Variants in RPL28 observed in about 807,000 individuals in gnomAD.
RPL28 encodes the protein ribosomal protein L28.
In RPL28, 4 loss-of-function variants were observed where a neutral mutation model predicts 12.5. That is an observed-to-expected ratio of 0.32 (90% CI 0.16 to 0.73). RPL28 has a LOEUF of 0.73. RPL28 is among the 30% of genes least tolerant of loss of function. The probability of loss-of-function intolerance (pLI) is 0.66; values close to 1 mark genes in which losing one functional copy is unlikely to be tolerated. For missense variants in RPL28, 214 were observed against 197.7 expected, an observed-to-expected ratio of 1.08 and a Z score of -0.49; for synonymous variants, 91 against 72.5, an observed-to-expected ratio of 1.26 and a Z score of -1.30.
chr19:55,401,814 C>T (rs768783559), intron 4 of RPL28: 5 of 1,596,948 alleles, frequency 3.1e-6, no homozygotes, highest in Admixed American at 1.7e-5. Context: ...ACAGGGACCC[C>T]CAGGCCTCCA....
chr19:55,386,710 T>G lies in RPL28; in HGVS notation c.205+17T>G, dbSNP rs780180908. ...GGAGATCCGGTGAGTTTTGTCTGGT[T>G]TGGGCCAGAGAGCGGCCCCTTTCCC... is the stretch of plus-strand genomic sequence containing the variant. On this transcript the variant is annotated intron_variant, in intron 3 of 4. Transcript: ENST00000344063. 4 of 1,614,002 alleles carry G rather than the reference T, an allele frequency of 2.5e-6. No homozygotes were observed. The highest frequency in any genetic ancestry group is 3.4e-6 in the Non-Finnish European group (4 of 1,179,908).
chr19:55,395,286 G>A (rs1250935274), downstream of RPL28, among the ~76,000 whole-genome samples: 5 of 150,998 alleles, frequency 3.3e-5, no homozygotes, highest in African/African-American at 7.3e-5. Flanking sequence ...ACAGGCATGC[G>A]CCACCATGCC....
chr19:55,391,078 A>C lies in RPL28; in HGVS notation c.*2746A>C, dbSNP rs1163804621. 13 of 534,962 alleles carry C rather than the reference A, an allele frequency of 2.4e-5. No homozygotes were observed. Among genetic ancestry groups the C allele is most frequent in the Non-Finnish European group, 3.1e-5 (13 of 417,876 alleles). The allele number at this position is 534,962 out of a possible 1,614,324, so 33.1% of individuals were successfully genotyped here. A position where few individuals can be genotyped will look rare whatever the true frequency, so the allele number is the denominator to read the frequency against. On this transcript the variant is annotated 3_prime_UTR_variant, in exon 5 of 5. Coordinates refer to ENST00000344063, the MANE Select transcript of RPL28 (RefSeq NM_000991.5). The stretch of plus-strand genomic sequence containing the variant: ...AGAAAAGCGTCTTGTCACATACAGA[A>C]GGTCCCTGATAAAGTTAGTAGCTGC...
intron 3 of RPL28, 166 bp from the exon 4 acceptor site, chr19:55,387,764 C>G: frequency 6.8e-7 from 1 of 1,460,136 alleles, no homozygotes; most frequent in Non-Finnish European, 9.0e-7. Flanking sequence ...GAGTGAGCCT[C>G]TGTGAAATGG....
At chr19:55,386,110 G>C (rs1026788037) in intron 1 of RPL28, 145 bp downstream of exon 1, 1 of 526,264 alleles carries the variant, frequency 1.9e-6, no homozygotes, top group Admixed American at 3.1e-5. Context: ...GAATTTTCAA[G>C]TTATTTTCCC....
chr19:55,395,632 ATG>A, downstream of RPL28, among the ~76,000 whole-genome samples: 2 of 151,476 alleles, frequency 1.3e-5, no homozygotes, highest in South Asian at 2.1e-4. Flanking sequence ...TTTAGTAGAC[ATG>A]GGGTTTCACT....
rs1044464480 is a variant in RPL28 at position 55,390,928 on chromosome 19, C to T, written c.*2596C>T. On this transcript the variant is annotated 3_prime_UTR_variant, in exon 5 of 5. Coordinates refer to ENST00000344063, the MANE Select transcript of RPL28 (RefSeq NM_000991.5). The stretch of plus-strand genomic sequence containing the variant: ...GGGCCATCTATTCCAGCTTTATTCA[C>T]ACAAATCATGTCTGTTGGCCTGGAA... The T allele has an allele frequency of 2.9e-5, 29 of 985,318 alleles. No homozygotes were observed. Among genetic ancestry groups the T allele is most frequent in the Middle Eastern group, 5.2e-4 (1 of 1,936 alleles). The allele number at this position is 985,318 out of a possible 1,614,324, so 61.0% of individuals were successfully genotyped here. A position where few individuals can be genotyped will look rare whatever the true frequency, so the allele number is the denominator to read the frequency against.
chr19:55,397,391 T>C (rs910420564), intron 4 of RPL28, among the ~76,000 whole-genome samples: 7 of 152,190 alleles, frequency 4.6e-5, no homozygotes, highest in Non-Finnish European at 1.0e-4. Flanking sequence ...GTTTTTGTTT[T>C]TGTTTTGAGA....
rs531353413 is a variant in RPL28, at chr19:55,391,967, A to G, written c.*3635A>G. On this transcript the variant is annotated 3_prime_UTR_variant, in exon 5 of 5. Coordinates refer to ENST00000344063, the MANE Select transcript of RPL28 (RefSeq NM_000991.5). ...CCCAGCCTCCTGCCCGTGTTTGTGA[A>G]TATCATTCTGTCCTCAGCTGCATTT... 2,037 of 1,212,492 alleles carry G rather than the reference A, an allele frequency of 1.7e-3. 3 individuals are homozygous for G. Among genetic ancestry groups the G allele is most frequent in the Middle Eastern group, 6.3e-3 (19 of 3,026 alleles). 75.1% of individuals were successfully genotyped at this position (1,212,492 alleles called of 1,614,324 possible).
At position 55,391,509 on chromosome 19, in the gene RPL28, C is replaced by T; in HGVS notation, c.*3177C>T. ...GCAGAGCGCTGGGGACTCCAGACTC[C>T]CCACAGCAGCAGAGACTCGGGACTG... On this transcript the variant is annotated 3_prime_UTR_variant, in exon 5 of 5. Coordinates refer to ENST00000344063, the MANE Select transcript of RPL28 (RefSeq NM_000991.5). 1 of 1,462,908 alleles carries T rather than the reference C, an allele frequency of 6.8e-7. No homozygotes were observed. The highest frequency in any genetic ancestry group is 2.3e-4 in the Middle Eastern group (1 of 4,418). The allele number at this position is 1,462,908 out of a possible 1,614,324, so 90.6% of individuals were successfully genotyped here.
downstream of RPL28, among the ~76,000 whole-genome samples, chr19:55,396,432 A>C (rs1227364559): frequency 6.8e-6 from 1 of 147,820 alleles, no homozygotes; most frequent in Non-Finnish European, 1.5e-5. Context: ...CCAAGTATTC[A>C]ACCCTGGCTG....
Position 55,390,330 on chromosome 19 carries a change from G to A in RPL28, c.*1998G>A, listed in dbSNP as rs770043264. ...AGCGATTCTCCTGCCTCAGCCTCCC[G>A]AGTAGCTGGGATTACAGGTGGGTGT... On this transcript the variant is annotated 3_prime_UTR_variant, in exon 5 of 5. Transcript: ENST00000344063. 3.5e-5 allele frequency: 25 copies of A among 706,374 alleles called. No homozygotes were observed. The highest frequency in any genetic ancestry group is 4.2e-5 in the Non-Finnish European group (24 of 575,850). The allele number at this position is 706,374 out of a possible 1,614,324, so 43.8% of individuals were successfully genotyped here.
intron 4 of RPL28, chr19:55,401,221 C>T (rs1014506968): frequency 3.0e-5 from 19 of 628,978 alleles, no homozygotes; most frequent in Non-Finnish European, 3.3e-5. Context: ...GCAGGGGAGC[C>T]AAACTCCCAG....
chr19:55,392,273 C>G (rs2123290971), downstream of RPL28, among the ~76,000 whole-genome samples: 1 of 152,276 alleles, frequency 6.6e-6, no homozygotes, highest in Middle Eastern at 3.4e-3. Flanking sequence ...TCACTGTTGC[C>G]TGGGTTGGAG....
At chr19:55,403,102 C>A in exon 5 of RPL28, 1 of 970,538 alleles carries the variant, frequency 1.0e-6, no homozygotes, top group African/African-American at 1.6e-5. Flanking sequence ...CCTCCACCCA[C>A]TAGATGCTAG....
intron 4 of RPL28, chr19:55,402,805 G>C: frequency 1.5e-6 from 1 of 677,330 alleles, no homozygotes; most frequent in Non-Finnish European, 2.4e-6. Flanking sequence ...GGTACATGTG[G>C]GAGGGAAGGG....
At chr19:55,401,857 C>T in intron 4 of RPL28, 1 of 1,308,838 alleles carries the variant, frequency 7.6e-7, no homozygotes, top group Non-Finnish European at 1.1e-6. Context: ...GCTGTTCCTT[C>T]TGCTCCCAAC....
Position 55,388,281 on chromosome 19 carries a change from GA to G in RPL28, c.365del (p.Lys122SerfsTer3). On this transcript the variant is annotated frameshift_variant, in exon 5 of 5. Coordinates refer to ENST00000344063, the MANE Select transcript of RPL28 (RefSeq NM_000991.5). LOFTEE classifies it high-confidence loss of function. ...RRASAILRSQ[K>X]PVMVKRKRTR... is the part of the protein sequence containing the mutation. ...GGGCCAGCGCCATCCTGCGCAGCCA[GA>G]AGCCTGTGATGGTGAAGAGGAAGCG... 4 of 1,584,502 alleles carry G rather than the reference GA, an allele frequency of 2.5e-6. No homozygotes were observed. The highest frequency in any genetic ancestry group is 3.4e-6 in the Non-Finnish European group (4 of 1,165,884).
chr19:55,394,681 C>T (rs1162448372), downstream of RPL28, among the ~76,000 whole-genome samples: 1 of 152,066 alleles, frequency 6.6e-6, no homozygotes, highest in East Asian at 1.9e-4. Context: ...AAACAGTCCT[C>T]CCACCTCAGT....
Sources: gnomAD v4.1 joint callset for allele counts (sites outside exome capture counted in the v4.1 genomes callset) on GRCh38, gnomAD v4.1.1 for gene constraint, MANE v1.5 for transcripts, NCBI Gene and HGNC (gene_info 2026-07-23, HGNC 2026-07-21) for gene names.